The following NLRP7 variants were observed in gnomAD, a reference collection of about 807,000 sequenced individuals.
The protein encoded by NLRP7 is NACHT, LRR and PYD domains-containing protein 7.
Under a neutral mutation model 85.5 loss-of-function variants are expected in NLRP7, and 72 were observed. The ratio of observed to expected loss-of-function variants is 0.84; its 90% CI spans 0.70 to 1.02. NLRP7 has a LOEUF of 1.02. Among genes scored for constraint, NLRP7 ranks in the 50% least tolerant of loss-of-function variants. NLRP7 has a pLI of 0.00. For missense variants in NLRP7, 1,243 were observed against 1,219.5 expected (o/e 1.02, Z -0.29); for synonymous variants, 550 against 505.2 (o/e 1.09, Z -1.19).
exon 2 of NLRP7, chr19:54,941,491 A>G: frequency 1.9e-6 from 3 of 1,613,620 alleles, no homozygotes; most frequent in Non-Finnish European, 2.5e-6. Flanking sequence ...CTCTTCCAAG[A>G]TGTTCACAGT....
At chr19:54,929,171 C>T (rs916081699) in intron 9 of NLRP7, among the ~76,000 whole-genome samples, 1 of 151,996 alleles carries the variant, frequency 6.6e-6, no homozygotes, top group Non-Finnish European at 1.5e-5. Flanking sequence ...GAGTTTGAGA[C>T]CAGTCTGGCT....
At chr19:54,949,109 T>C (rs918979967), upstream of NLRP7, 16 of 151,706 alleles carry the variant, frequency 1.1e-4, no homozygotes, top group African/African-American at 3.6e-4. Context: ...AAAAAACCCC[T>C]GGCTACTAAA....
chr19:54,940,819 T>G, intron 3 of NLRP7, 112 bp downstream of exon 3: 1 of 772,828 alleles, frequency 1.3e-6, no homozygotes, highest in Non-Finnish European at 2.2e-6. Flanking sequence ...AGAGCAAGAT[T>G]CCGTCTCAAA....
intron 1 of NLRP7, among the ~76,000 whole-genome samples, chr19:54,945,770 T>G (rs1368857314): frequency 6.6e-6 from 1 of 151,206 alleles, no homozygotes; most frequent in African/African-American, 2.4e-5. Flanking sequence ...GGCTAGTTTT[T>G]GTATTTTTAG....
chr19:54,941,486 C>G lies in NLRP7; in HGVS notation c.226G>C (p.Glu76Gln), dbSNP rs759370809. 14 of 1,613,648 alleles carry G rather than the reference C, an allele frequency of 8.7e-6. 1 individual carries two copies. In the South Asian group the frequency reaches 9.9e-5, roughly 11 times the overall value. ...CACAATTCCGTGAGATTCATCTCTTCCAAGATGTTCACAGTCGCATTCCTT... is the reference window on the plus strand; with the variant it reads ...CACAATTCCGTGAGATTCATCTCTTGCAAGATGTTCACAGTCGCATTCCTT... The change falls in exon 2 of 10, where the codon GAA (glutamate) becomes CAA (glutamine). Residue 76 changes from glutamate (E) to glutamine (Q), a missense_variant. Around this residue, in one of 3 missense-constraint regions of NLRP7, gnomAD observed 591 missense variants for 563.3 expected, o/e 1.05. Transcript: ENST00000340844.
At chr19:54,945,246 AAAAAAAAAAG>A (rs1569541502) in intron 1 of NLRP7, among the ~76,000 whole-genome samples, 1 of 150,700 alleles carries the variant, frequency 6.6e-6, no homozygotes, top group Non-Finnish European at 1.5e-5. Context: ...CTCAAAAAAA[AAAAAAAAAAG>A]AAAAGAAAAG....
At chr19:54,933,990 T>G (rs975823568) in intron 7 of NLRP7, among the ~76,000 whole-genome samples, 6 of 152,200 alleles carry the variant, frequency 3.9e-5, no homozygotes, top group African/African-American at 1.2e-4. Context: ...TCGCCCAGGC[T>G]GGAGTGCAGT....
At chr19:54,954,029 A>AAAGGGCAACCG (rs1569542171) in intron 1 of NLRP7, among the ~76,000 whole-genome samples, 6 of 149,106 alleles carry the variant, frequency 4.0e-5, no homozygotes, top group African/African-American at 1.5e-4. Flanking sequence ...AATAAATAAA[A>AAAGGGCAACCG]ATAAATAAAG....
exon 4 of NLRP7, chr19:54,939,258 A>C: frequency 1.2e-6 from 2 of 1,614,154 alleles, no homozygotes; most frequent in African/African-American, 2.7e-5. Flanking sequence ...CCGAATAAGA[A>C]GTGTCCTACT....
intron 1 of NLRP7, among the ~76,000 whole-genome samples, chr19:54,943,203 G>C (rs2069310435): frequency 6.6e-6 from 1 of 151,824 alleles, no homozygotes; most frequent in Non-Finnish European, 1.5e-5. Flanking sequence ...CCAGATACTT[G>C]GGAGGCTGAC....
At chr19:54,963,757 G>A (rs2070158438) in intron 1 of NLRP7, among the ~76,000 whole-genome samples, 1 of 149,752 alleles carries the variant, frequency 6.7e-6, no homozygotes, top group Non-Finnish European at 1.5e-5. Context: ...TCTGGAGGCG[G>A]AGGTTGCAGT....
intron 1 of NLRP7, among the ~76,000 whole-genome samples, chr19:54,943,473 C>T (rs112327533): frequency 6.6e-5 from 10 of 150,444 alleles, no homozygotes; most frequent in East Asian, 6.1e-4. Context: ...TGGTGGCGGG[C>T]GCCTGTAGTC....
exon 1 of NLRP7, chr19:54,947,496 C>G (rs1469833838): frequency 1.6e-6 from 2 of 1,289,754 alleles, no homozygotes; most frequent in Non-Finnish European, 1.0e-6. Context: ...TTGCTTCCAG[C>G]CTGTGTTTCC....
chr19:54,949,536 A>T (rs1238265704), upstream of NLRP7, among the ~76,000 whole-genome samples: 12 of 152,178 alleles, frequency 7.9e-5, no homozygotes, highest in Admixed American at 7.9e-4. Flanking sequence ...ATAAACATGA[A>T]AGAGGTATCT....
upstream of NLRP7, among the ~76,000 whole-genome samples, chr19:54,948,153 G>T (rs187397283): frequency 1.3e-5 from 2 of 152,320 alleles, no homozygotes; most frequent in Non-Finnish European, 2.9e-5. Context: ...GGAAGCCGAG[G>T]CGGGTGGATC....
At chr19:54,936,130 A>C in intron 6 of NLRP7, 131 bp downstream of exon 6, 9 of 772,818 alleles carry the variant, frequency 1.2e-5, no homozygotes, top group Non-Finnish European at 1.8e-5. Context: ...ACTCCCCCAC[A>C]CAGGCCTGTT....
upstream of NLRP7, among the ~76,000 whole-genome samples, chr19:54,948,150 G>A (rs1035666750): frequency 3.9e-5 from 6 of 152,274 alleles, no homozygotes; most frequent in South Asian, 8.3e-4. Context: ...TTGGGAAGCC[G>A]AGGCGGGTGG....
At position 54,934,756 on chromosome 19, in the gene NLRP7, C is replaced by A. The variant is rs2068833975; in HGVS notation, c.2301-97G>T. ...ACAGAGTTTCACTCTGTTGCCCAGT[C>A]TGGAATGCAAAGGCGTGATCTCACC... On this transcript the variant is annotated intron_variant, in intron 6 of 9. Transcript: ENST00000340844. The surrounding 1 kb of genome is among the most constrained non-coding windows in gnomAD (Gnocchi z 6.7). 9.6e-7 allele frequency: 1 copy of A among 1,044,312 alleles called. No homozygotes were observed. Among genetic ancestry groups the A allele is most frequent in the Admixed American group, 2.6e-5 (1 of 38,918 alleles). 64.7% of individuals were successfully genotyped at this position (1,044,312 alleles called of 1,614,324 possible). A position where few individuals can be genotyped will look rare whatever the true frequency, so the allele number is the denominator to read the frequency against.
At chr19:54,959,816 G>A (rs2069978522) in intron 1 of NLRP7, among the ~76,000 whole-genome samples, 1 of 151,922 alleles carries the variant, frequency 6.6e-6, no homozygotes, top group Admixed American at 6.6e-5. Flanking sequence ...AATGGAGACA[G>A]CTTCATTTTA....
Sources: allele counts gnomAD v4.1 joint callset (sites outside exome capture counted in the v4.1 genomes callset), GRCh38; gene constraint gnomAD v4.1.1; regional missense constraint gnomAD v4.1.1; non-coding constraint Gnocchi (gnomAD v3.1); transcripts MANE v1.5; gene names NCBI Gene and HGNC (gene_info 2026-07-23, HGNC 2026-07-21).